PHF3: variants seen among roughly 807,000 people sequenced by gnomAD.
PHF3 encodes PHD finger protein 3.
A neutral mutation model predicts 178.4 loss-of-function variants in PHF3; 41 were observed. The ratio of observed to expected loss-of-function variants is 0.23; its 90% CI spans 0.18 to 0.30. The LOEUF (loss-of-function observed/expected upper bound fraction) is 0.30, where lower values mean the gene tolerates loss of function less well. Among genes scored for constraint, PHF3 ranks in the 10% least tolerant of loss-of-function variants. The probability of loss-of-function intolerance (pLI) is 1.00; values close to 1 mark genes in which losing one functional copy is unlikely to be tolerated. For missense variants in PHF3, 2,346 were observed against 2,398.1 expected (o/e 0.98, Z 0.45); for synonymous variants, 842 against 800.5 (o/e 1.05, Z -0.88).
Position 63,709,040 on chromosome 6 carries a change from GT to G in PHF3, c.3712-106del, listed in dbSNP as rs1431390710. On this transcript the variant is annotated intron_variant, in intron 13 of 15. Coordinates refer to ENST00000262043, the MANE Select transcript of PHF3 (RefSeq NM_001370348.2). The stretch of plus-strand genomic sequence containing the variant: ...TTTTTCATAATCTCTTTATTTACTT[GT>G]TTTTATTACTGTTTCAAATTAGTCT... The G allele has an allele frequency of 5.7e-5, 32 of 559,544 alleles. No homozygotes were observed. The Admixed American group carries it at 8.5e-4, about 15-fold the overall frequency. The allele number at this position is 559,544 out of a possible 1,614,324, so 34.7% of individuals were successfully genotyped here.
intron 1 of PHF3, among the ~76,000 whole-genome samples, chr6:63,641,660 G>A (rs184751699): frequency 3.3e-5 from 5 of 150,730 alleles, no homozygotes; most frequent in African/African-American, 9.7e-5. Flanking sequence ...TTTTCGAGAC[G>A]GAGTTTTGTT....
chr6:63,691,631 A>G, intron 4 of PHF3, 106 bp from the exon 5 acceptor site: 1 of 971,866 alleles, frequency 1.0e-6, no homozygotes, highest in South Asian at 1.7e-5. Context: ...GAAAACATGC[A>G]AAGTTTCAGA....
At position 63,717,310 on chromosome 6, in the gene PHF3, A is replaced by G. The variant is rs1280629977; in HGVS notation, c.*3602A>G. ...AGAGCTTGATAATGAACCAGATCTTAGTAAAACAGTATTTTAACATTTGGA... is the reference window on the plus strand; with the variant it reads ...AGAGCTTGATAATGAACCAGATCTTGGTAAAACAGTATTTTAACATTTGGA... On this transcript the variant is annotated 3_prime_UTR_variant, in exon 16 of 16. Coordinates refer to ENST00000262043, the MANE Select transcript of PHF3 (RefSeq NM_001370348.2). Among the ~76,000 whole-genome samples the G allele has an allele frequency of 6.6e-6, 1 of 152,072 alleles. No homozygotes were observed. The highest frequency in any genetic ancestry group is 2.4e-5 in the African/African-American group (1 of 41,434).
At chr6:63,664,725 T>C (rs1765606795) in intron 2 of PHF3, among the ~76,000 whole-genome samples, 1 of 152,162 alleles carries the variant, frequency 6.6e-6, no homozygotes, top group African/African-American at 2.4e-5. Flanking sequence ...TTTCATCTTA[T>C]TTTGATAAAA....
chr6:63,670,808 T>C (rs1215326139), intron 2 of PHF3, among the ~76,000 whole-genome samples: 2 of 152,206 alleles, frequency 1.3e-5, no homozygotes, highest in African/African-American at 4.8e-5. Flanking sequence ...AAATTCCTGC[T>C]CTTGTGGAGT....
intron 1 of PHF3, chr6:63,636,537 C>T (rs1464367883): frequency 2.0e-5 from 3 of 152,214 alleles, no homozygotes; most frequent in Admixed American, 6.5e-5. Flanking sequence ...GAAGGCCCGT[C>T]TCGCAGGCCC....
In PHF3 at chr6:63,712,524, A is replaced by T. The variant is rs771479644; in HGVS notation, c.4936A>T (p.Ile1646Phe). Residue 1646 changes from isoleucine (I) to phenylalanine (F), a missense_variant, in exon 16 of 16, where the codon ATC becomes TTC. This residue lies in a region of PHF3 where 839 missense variants were observed against 806.9 expected (regional missense o/e 1.04). Transcript: ENST00000262043. ...VANTARSPQF[I>F]NLKRDPRQAA... ...TAATACAGCGAGGTCTCCACAGTTT[A>T]TCAACCTGAAAAGGGATCCTAGGCA... 3 of 1,613,874 alleles carry T rather than the reference A, an allele frequency of 1.9e-6. No homozygotes were observed. Among genetic ancestry groups the T allele is most frequent in the South Asian group, 1.1e-5 (1 of 91,078 alleles).
At position 63,712,247 on chromosome 6, in the gene PHF3, G is replaced by T; in HGVS notation, c.4659G>T (p.Gly1553=). ...SVVGSSSISA[G]SLTSLSLRGK... ...TAGGGTCCTCTTCCATTTCTGCAGG[G>T]TCTTTGACGAGTCTTAGTCTCAGAG... The change falls in exon 16 of 16, where the codon GGG becomes GGT. Residue 1553 remains glycine, a synonymous_variant. Coordinates refer to ENST00000262043, the MANE Select transcript of PHF3 (RefSeq NM_001370348.2). 1 of 1,613,984 alleles carries T rather than the reference G, an allele frequency of 6.2e-7. No homozygotes were observed. The highest frequency in any genetic ancestry group is 8.5e-7 in the Non-Finnish European group (1 of 1,179,960).
At chr6:63,689,805 T>G (rs1582085920) in intron 4 of PHF3, among the ~76,000 whole-genome samples, 1 of 152,252 alleles carries the variant, frequency 6.6e-6, no homozygotes, top group South Asian at 2.1e-4. Flanking sequence ...ACCTTTAGGT[T>G]TGGATTTGGA....
chr6:63,656,446 A>T (rs1295550323), intron 2 of PHF3, among the ~76,000 whole-genome samples: 1 of 152,182 alleles, frequency 6.6e-6, no homozygotes, highest in Non-Finnish European at 1.5e-5. Context: ...TACAGTTTTT[A>T]TTCTAGTACA....
intron 2 of PHF3, among the ~76,000 whole-genome samples, chr6:63,677,740 A>G (rs77751352): frequency 1.3e-3 from 198 of 152,356 alleles, no homozygotes; most frequent in African/African-American, 4.5e-3. Flanking sequence ...TTAAAAAACA[A>G]CAGCAATGGC....
chr6:63,703,094 T>A (rs1767544499), intron 10 of PHF3, among the ~76,000 whole-genome samples: 1 of 152,152 alleles, frequency 6.6e-6, no homozygotes, highest in South Asian at 2.1e-4. Flanking sequence ...GCCAGGCTGG[T>A]CTTAAACTCC....
chr6:63,707,847 G>GTTTGTTTTTGTT (rs781937312), intron 13 of PHF3, among the ~76,000 whole-genome samples: 3,097 of 148,042 alleles, frequency 0.021, 60 homozygotes, highest in African/African-American at 0.051. Context: ...GCAGTTGTGG[G>GTTTGTTTTTGTT]TTTGTTTTTG....
chr6:63,712,100 C>T lies in PHF3; in HGVS notation c.4512C>T (p.Asn1504=). The change falls in exon 16 of 16, where the codon AAC becomes AAT. Residue 1504 remains asparagine (N), a synonymous_variant. Transcript: ENST00000262043. ...TTCCATTTTTAAATGAGCAGACCAA[C>T]TCAAAAATAGAGAAAACAGATAATG... The part of the protein sequence containing the change: ...KEIPFLNEQT[N]SKIEKTDNVE... The T allele has an allele frequency of 1.9e-6, 3 of 1,613,500 alleles. No individual in the cohort carries two copies. The highest frequency in any genetic ancestry group is 2.5e-6 in the Non-Finnish European group (3 of 1,179,898).
intron 3 of PHF3, among the ~76,000 whole-genome samples, chr6:63,680,728 C>T (rs993784658): frequency 1.3e-5 from 2 of 151,910 alleles, no homozygotes; most frequent in African/African-American, 4.8e-5. Context: ...ACTGCTCTAC[C>T]AGTTGTCTAA....
At chr6:63,677,711 A>G (rs547731935) in intron 2 of PHF3, among the ~76,000 whole-genome samples, 17 of 152,256 alleles carry the variant, frequency 1.1e-4, no homozygotes, top group African/African-American at 3.9e-4. Context: ...TGGAAAAGTC[A>G]GAGAAAGTAT....
rs772920115 is a variant in PHF3 at position 63,711,229 on chromosome 6, C to G, written c.3864C>G (p.Leu1288=). Residue 1288 remains leucine, a synonymous_variant, in exon 15 of 16, where the codon CTC becomes CTG. Coordinates refer to ENST00000262043, the MANE Select transcript of PHF3 (RefSeq NM_001370348.2). ...AAGATCAAATTTCTTATACTTTGCT[C>G]TTTGCATACTTCAGTAGCAGAAAGC... is the stretch of plus-strand genomic sequence containing the variant. ...TEEDQISYTL[L]FAYFSSRKRY... is the part of the protein sequence containing the mutation. 8.7e-6 allele frequency: 14 copies of G among 1,613,134 alleles called. No homozygotes were observed. In the South Asian group the frequency reaches 1.3e-4, roughly 15 times the overall value.
intron 2 of PHF3, among the ~76,000 whole-genome samples, chr6:63,653,652 A>G (rs966618984): frequency 6.6e-6 from 1 of 151,960 alleles, no homozygotes; most frequent in African/African-American, 2.4e-5. Flanking sequence ...CTTTTGCTTA[A>G]TTGCTTGGGC....
intron 4 of PHF3, among the ~76,000 whole-genome samples, chr6:63,687,738 C>T (rs1396276456): frequency 6.6e-6 from 1 of 152,172 alleles, no homozygotes; most frequent in Non-Finnish European, 1.5e-5. Flanking sequence ...ACTCATGCTT[C>T]ACCAACATTT....
Sources: gnomAD v4.1 joint callset for allele counts (sites outside exome capture counted in the v4.1 genomes callset) on GRCh38, gnomAD v4.1.1 for gene constraint, gnomAD v4.1.1 regional missense constraint, MANE v1.5 for transcripts, NCBI Gene and HGNC (gene_info 2026-07-23, HGNC 2026-07-21) for gene names.